TSHR: variants seen among roughly 807,000 people sequenced by gnomAD.
TSHR encodes the protein thyroid stimulating hormone receptor.
TSHR carries 51 observed loss-of-function variants against 64.1 expected under a neutral mutation model. The ratio of observed to expected loss-of-function variants is 0.80; its 90% CI spans 0.64 to 1.01. TSHR has a LOEUF of 1.01. Ranked by LOEUF, TSHR falls within the 50% of genes least tolerant of loss-of-function variation. The probability of loss-of-function intolerance (pLI) is 0.00; values close to 1 mark genes in which losing one functional copy is unlikely to be tolerated. For missense variants in TSHR, 877 were observed against 942.8 expected (o/e 0.93, Z 0.91); for synonymous variants, 361 against 361.9 (o/e 1.00, Z 0.03).
intron 9 of TSHR, among the ~76,000 whole-genome samples, chr14:81,141,089 G>A (rs1478306509): frequency 6.6e-6 from 1 of 152,222 alleles, no homozygotes; most frequent in Non-Finnish European, 1.5e-5. Context: ...TCGTGCCAGT[G>A]CACTCCAGCC....
rs767327783 is a variant in TSHR, at chr14:81,143,611, A to T, written c.1553A>T (p.Glu518Val). ...TATACGCTGACGGTCATCACCCTGGAGCGCTGGTATGCCATCACCTTCGCC... is the reference window on the plus strand; with the variant it reads ...TATACGCTGACGGTCATCACCCTGGTGCGCTGGTATGCCATCACCTTCGCC... ...SVYTLTVITL[E>V]RWYAITFAMR... The change falls in exon 10 of 10, where the codon GAG becomes GTG. Residue 518 changes from glutamate to valine, a missense_variant. Coordinates refer to ENST00000298171, the MANE Select transcript of TSHR (RefSeq NM_000369.5). The T allele has an allele frequency of 6.2e-7, 1 of 1,613,630 alleles. No individual in the cohort carries two copies. The highest frequency in any genetic ancestry group is 8.5e-7 in the Non-Finnish European group (1 of 1,179,998).
chr14:81,134,776 T>C (rs956885297), intron 8 of TSHR, among the ~76,000 whole-genome samples: 1 of 152,082 alleles, frequency 6.6e-6, no homozygotes, highest in Non-Finnish European at 1.5e-5. Context: ...AAAATGAGAA[T>C]AAGTTATCCC....
chr14:80,973,467 C>T (rs1594904230), intron 1 of TSHR, among the ~76,000 whole-genome samples: 1 of 135,024 alleles, frequency 7.4e-6, no homozygotes, highest in East Asian at 2.3e-4. Flanking sequence ...AGCTACCAAA[C>T]ATACTTTCCC....
intron 8 of TSHR, among the ~76,000 whole-genome samples, chr14:81,133,049 C>T (rs1891315284): frequency 6.6e-6 from 1 of 152,168 alleles, no homozygotes; most frequent in Non-Finnish European, 1.5e-5. Context: ...TCTCCGACAA[C>T]TCCAGAATTG....
chr14:81,020,809 T>A (rs1338223188), intron 1 of TSHR, among the ~76,000 whole-genome samples: 2 of 152,190 alleles, frequency 1.3e-5, no homozygotes, highest in African/African-American at 4.8e-5. Context: ...CAAATCTCCA[T>A]ATGTTCTGGA....
At chr14:81,034,258 G>A (rs1217696520) in intron 1 of TSHR, among the ~76,000 whole-genome samples, 1 of 152,218 alleles carries the variant, frequency 6.6e-6, no homozygotes, top group African/African-American at 2.4e-5. Context: ...CTTGAAGTGA[G>A]AGAACCACAG....
chr14:81,091,608 A>G (rs1375220465), intron 5 of TSHR, among the ~76,000 whole-genome samples: 2 of 152,266 alleles, frequency 1.3e-5, no homozygotes, highest in African/African-American at 4.8e-5. Context: ...GATGATAACT[A>G]TGATACCTTA....
chr14:80,990,099 G>A (rs1346234475), intron 1 of TSHR, among the ~76,000 whole-genome samples: 10 of 152,310 alleles, frequency 6.6e-5, no homozygotes, highest in South Asian at 2.1e-4. Flanking sequence ...AACATTTAAC[G>A]TACTGGTTAA....
chr14:81,066,123 C>T (rs1483609263), intron 2 of TSHR, among the ~76,000 whole-genome samples: 2 of 152,118 alleles, frequency 1.3e-5, no homozygotes, highest in Non-Finnish European at 1.5e-5. Flanking sequence ...CACAGCCATA[C>T]AAAAAGATGT....
intron 1 of TSHR, among the ~76,000 whole-genome samples, chr14:80,960,074 C>T (rs1193342611): frequency 6.6e-6 from 1 of 152,086 alleles, no homozygotes; most frequent in East Asian, 1.9e-4. Context: ...AAAAAGGAAG[C>T]AAAGTAAGTG....
At chr14:81,132,051 G>C (rs1247106566) in intron 8 of TSHR, among the ~76,000 whole-genome samples, 2 of 151,840 alleles carry the variant, frequency 1.3e-5, no homozygotes, top group African/African-American at 4.9e-5. Context: ...CAAGCTCACT[G>C]TCTTGAATTT....
At position 81,096,645 on chromosome 14, in the gene TSHR, G is replaced by A. The variant is rs372281791; in HGVS notation, c.552G>A (p.Leu184=). Residue 184 remains leucine (L), a synonymous_variant, in exon 7 of 10, where the codon CTG becomes CTA. Transcript: ENST00000298171. ...TTCTCTCTGTTGGTTGTAGGAAGCT[G>A]TACAACAATGGCTTTACTTCAGTCC... ...GLCNETLTLK[L]YNNGFTSVQG... 2.5e-6 allele frequency: 4 copies of A among 1,613,628 alleles called. No homozygotes were observed. The South Asian group carries it at 4.4e-5, about 18-fold the overall frequency.
intron 1 of TSHR, among the ~76,000 whole-genome samples, chr14:81,036,699 A>AT (rs1421569338): frequency 3.9e-5 from 6 of 152,154 alleles, no homozygotes; most frequent in African/African-American, 1.4e-4. Flanking sequence ...AATTTAGAAT[A>AT]CTCCATTACT....
Position 81,102,850 on chromosome 14 carries a change from G to A in TSHR, c.615-5525G>A, listed in dbSNP as rs533894275. ...TTCTGGTAAAGGTTAAAGGGCAAGC[G>A]TGGGATCAAGATAAAAAGTATCTGG... On this transcript the variant is annotated intron_variant, in intron 7 of 9. Transcript: ENST00000298171. 1.5e-5 allele frequency: 15 copies of A among 985,272 alleles called. No individual in the cohort carries two copies. The African/African-American group carries it at 1.7e-4, about 11-fold the overall frequency. 61.0% of individuals were successfully genotyped at this position (985,272 alleles called of 1,614,324 possible).
At chr14:81,074,323 T>G (rs866644740) in intron 3 of TSHR, among the ~76,000 whole-genome samples, 2 of 152,156 alleles carry the variant, frequency 1.3e-5, no homozygotes, top group Non-Finnish European at 2.9e-5. Context: ...CAGAAAAGAT[T>G]AGTGAAGATT....
chr14:80,986,086 T>A lies in TSHR; in HGVS notation c.170+30236T>A, dbSNP rs185518857. 7.3e-3 allele frequency among the ~76,000 whole-genome samples: 1,105 copies of A among 152,350 alleles called. 8 individuals are homozygous for A. Among genetic ancestry groups the A allele is most frequent in the Non-Finnish European group, 9.7e-3 (660 of 68,040 alleles). On this transcript the variant is annotated intron_variant, in intron 1 of 9. Coordinates refer to ENST00000298171, the MANE Select transcript of TSHR (RefSeq NM_000369.5). Reference sequence around the variant, plus strand: ...TGTTACTCTGTTTTCAGTTCTTTCATAATATCTGGGGAGTTCCTGGATTTC... The same window carrying A: ...TGTTACTCTGTTTTCAGTTCTTTCAAAATATCTGGGGAGTTCCTGGATTTC...
intron 8 of TSHR, among the ~76,000 whole-genome samples, chr14:81,112,822 A>AC (rs1028304549): frequency 2.0e-5 from 3 of 152,096 alleles, no homozygotes; most frequent in African/African-American, 7.2e-5. Context: ...AAGTGCAAAG[A>AC]CCCCCAGGTG....
chr14:81,012,030 G>C (rs552104558), intron 1 of TSHR: 1 of 151,844 alleles, frequency 6.6e-6, no homozygotes, highest in Admixed American at 6.6e-5. Context: ...ATGCTGCTGC[G>C]CTGCACCCAC....
At chr14:81,085,240 A>G (rs1333188857) in intron 3 of TSHR, among the ~76,000 whole-genome samples, 1 of 151,902 alleles carries the variant, frequency 6.6e-6, no homozygotes, top group Non-Finnish European at 1.5e-5. Context: ...CGGCCTCCCA[A>G]AGTGCTTACA....
Sources: gnomAD v4.1 joint callset for allele counts (sites outside exome capture counted in the v4.1 genomes callset) on GRCh38, gnomAD v4.1.1 for gene constraint, MANE v1.5 for transcripts, NCBI Gene and HGNC (gene_info 2026-07-23, HGNC 2026-07-21) for gene names.